Variants in DKK3 observed in about 807,000 individuals in gnomAD.
DKK3 encodes dickkopf Wnt signaling pathway inhibitor 3.
In DKK3, 22 loss-of-function variants were observed where a neutral mutation model predicts 33.2. The ratio of observed to expected loss-of-function variants is 0.66; its 90% CI spans 0.47 to 0.95. The LOEUF (loss-of-function observed/expected upper bound fraction) is 0.95. DKK3 is among the 40% of genes least tolerant of loss of function. The pLI, the probability that DKK3 is intolerant of heterozygous loss-of-function variation, is 0.00. For missense variants in DKK3, 398 were observed against 458.4 expected, an observed-to-expected ratio of 0.87 and a Z score of 1.20; for synonymous variants, 194 against 188.8, an observed-to-expected ratio of 1.03 and a Z score of -0.23.
At chr11:11,969,318 G>C (rs1288750992) in intron 3 of DKK3, among the ~76,000 whole-genome samples, 1 of 152,216 alleles carries the variant, frequency 6.6e-6, no homozygotes, top group Non-Finnish European at 1.5e-5. Flanking sequence ...GGAGGGCAGG[G>C]GAGGAGGGAA....
Position 11,963,281 on chromosome 11 carries a change from T to C in DKK3, c.*1183A>G, listed in dbSNP as rs1451457213. The C allele has an allele frequency of 1.3e-5, 2 of 152,592 alleles. No homozygotes were observed. The highest frequency in any genetic ancestry group is 1.3e-4 in the Admixed American group (2 of 15,280). 9.5% of individuals were successfully genotyped at this position (152,592 alleles called of 1,614,324 possible). A position where few individuals can be genotyped will look rare whatever the true frequency, so the allele number is the denominator to read the frequency against. ...TGAAAACATCATTTGTGGAGTGGCG[T>C]AGAGTTCAGTGTTCGCAGTCGCATA... On this transcript the variant is annotated 3_prime_UTR_variant, in exon 7 of 7. Transcript: ENST00000683431.
chr11:11,967,123 G>C, intron 4 of DKK3, 25 bp from the exon 5 acceptor site: 2 of 1,609,986 alleles, frequency 1.2e-6, no homozygotes, highest in Non-Finnish European at 1.7e-6. Context: ...AAAGAGCCTA[G>C]AGCCAGCGGC....
chr11:11,968,461 C>G lies in DKK3; in HGVS notation c.462G>C (p.Gly154=). The part of the protein sequence containing the change: ...SHECIIDEDC[G]PSMYCQFASF... ...TGGCAAACTGGCAGTACATGCTGGGCCCACAGTCCTCGTCGATGATGCACT... is the reference window on the plus strand; with the variant it reads ...TGGCAAACTGGCAGTACATGCTGGGGCCACAGTCCTCGTCGATGATGCACT... Residue 154 remains glycine (G), a synonymous_variant, in exon 4 of 7, where the codon GGG becomes GGC. Transcript: ENST00000683431. 6.2e-7 allele frequency: 1 copy of G among 1,613,324 alleles called. No homozygotes were observed. Among genetic ancestry groups the G allele is most frequent in the South Asian group, 1.1e-5 (1 of 90,984 alleles).
intron 3 of DKK3, chr11:11,994,483 T>C (rs11603771): frequency 0.35 from 53,782 of 151,918 alleles, 9,720 homozygotes; most frequent in Admixed American, 0.42. Context: ...GCCACCACCC[T>C]AGCCTCCCTG....
intron 3 of DKK3, among the ~76,000 whole-genome samples, chr11:11,995,619 T>G (rs1848276408): frequency 6.6e-6 from 1 of 152,252 alleles, no homozygotes. Flanking sequence ...AGACTCTTCC[T>G]ATGTGGGGAC....
chr11:11,997,753 C>T (rs895521637), intron 3 of DKK3, among the ~76,000 whole-genome samples: 1 of 152,164 alleles, frequency 6.6e-6, no homozygotes, highest in Non-Finnish European at 1.5e-5. Context: ...CAGCTCCCGA[C>T]ATTTGAGCAC....
At chr11:11,979,235 G>A (rs1431580522) in intron 3 of DKK3, among the ~76,000 whole-genome samples, 3 of 152,216 alleles carry the variant, frequency 2.0e-5, no homozygotes, top group African/African-American at 7.2e-5. Flanking sequence ...GCTGGGTGGG[G>A]AAGCCTTGGC....
At chr11:11,998,674 T>C (rs1489755726) in intron 3 of DKK3, 22 bp downstream of exon 3, 13 of 1,604,192 alleles carry the variant, frequency 8.1e-6, no homozygotes, top group Non-Finnish European at 1.1e-5. Context: ...GGGGTGCAAG[T>C]ACAGGGGAAA....
chr11:11,994,451 G>A (rs1285894578), intron 3 of DKK3, among the ~76,000 whole-genome samples: 1 of 152,114 alleles, frequency 6.6e-6, no homozygotes, highest in African/African-American at 2.4e-5. Flanking sequence ...CAGAAGGGAA[G>A]GGCTGCATTT....
At chr11:11,997,400 A>G (rs1435433338) in intron 3 of DKK3, among the ~76,000 whole-genome samples, 1 of 152,136 alleles carries the variant, frequency 6.6e-6, no homozygotes, top group East Asian at 1.9e-4. Flanking sequence ...GACCATGATC[A>G]TATCCTATGG....
Position 11,964,570 on chromosome 11 carries a change from T to A in DKK3, c.947A>T (p.Glu316Val). ...DEYEVGSFME[E>V]VRQELEDLER... The stretch of plus-strand genomic sequence containing the variant: ...CAGGTCCTCCAGCTCCTGGCGCACC[T>A]CCTCCATGAAGCTGCCAACTTCATA... The change falls in exon 7 of 7, where the codon GAG (glutamate) becomes GTG (valine). Residue 316 changes from glutamate (E) to valine (V), a missense_variant. By Grantham distance (121) the Glu-to-Val change is moderately radical. Transcript: ENST00000683431. 3.7e-6 allele frequency: 6 copies of A among 1,614,096 alleles called. No individual in the cohort carries two copies. The South Asian group carries it at 5.5e-5, about 15-fold the overall frequency.
At chr11:12,009,459 C>T (rs1237733183), upstream of DKK3, 4 of 927,454 alleles carry the variant, frequency 4.3e-6, no homozygotes, top group Non-Finnish European at 3.9e-6. Flanking sequence ...GCGCCGGCCA[C>T]CTCACGCCCC....
At chr11:11,986,202 C>A (rs982203275) in intron 3 of DKK3, among the ~76,000 whole-genome samples, 1 of 152,160 alleles carries the variant, frequency 6.6e-6, no homozygotes, top group African/African-American at 2.4e-5. Flanking sequence ...GTTCCTGCCT[C>A]CTTTCTGGGA....
intron 3 of DKK3, among the ~76,000 whole-genome samples, chr11:11,973,615 A>G (rs2135012531): frequency 6.6e-6 from 1 of 152,310 alleles, no homozygotes; most frequent in South Asian, 2.1e-4. Flanking sequence ...CATTCAGAGG[A>G]TGGCTTCTTT....
At chr11:12,001,920 T>G (rs1201216217) in intron 2 of DKK3, 1 of 161,322 alleles carries the variant, frequency 6.2e-6, no homozygotes, top group Admixed American at 6.2e-5. Flanking sequence ...GGTCTCTAGT[T>G]CAATCCCTAC....
At chr11:11,970,517 C>T (rs1202427239) in intron 3 of DKK3, among the ~76,000 whole-genome samples, 3 of 152,168 alleles carry the variant, frequency 2.0e-5, no homozygotes. Context: ...ATGTTCACAT[C>T]CTATTCCCCG....
Position 11,977,693 on chromosome 11 carries a change from G to T in DKK3, c.436-9206C>A, listed in dbSNP as rs577347602. ...GAGCCTGGCCGGGGTCTATTCCCCA[G>T]ACACACCGAGTCCACAGTTAGCACT... On this transcript the variant is annotated intron_variant, in intron 3 of 6. Transcript: ENST00000683431. Among the ~76,000 whole-genome samples the T allele has an allele frequency of 7.2e-5, 11 of 152,274 alleles. No individual in the cohort carries two copies. In the East Asian group the frequency reaches 1.5e-3, roughly 21 times the overall value.
chr11:11,991,316 A>G (rs772746003), intron 3 of DKK3, among the ~76,000 whole-genome samples: 22 of 152,278 alleles, frequency 1.4e-4, no homozygotes, highest in Middle Eastern at 3.4e-3. Flanking sequence ...TTGAAATTTG[A>G]TCTCTAGTGT....
upstream of DKK3, chr11:12,009,541 C>T (rs905556259): frequency 9.9e-5 from 96 of 971,428 alleles, 1 homozygote; most frequent in Non-Finnish European, 1.1e-4. Context: ...CACTGCCTGC[C>T]CCTGCGCCCG....
Sources: gnomAD v4.1 joint callset for allele counts (sites outside exome capture counted in the v4.1 genomes callset) on GRCh38, gnomAD v4.1.1 for gene constraint, MANE v1.5 for transcripts, NCBI Gene and HGNC (gene_info 2026-07-23, HGNC 2026-07-21) for gene names.